Variants in ENTPD1 observed in about 807,000 individuals in gnomAD.
The protein encoded by ENTPD1 is ATP diphosphohydrolase.
Under a neutral mutation model 57.0 loss-of-function variants are expected in ENTPD1, and 33 were observed. The observed-to-expected ratio is 0.58, with a 90% CI of 0.44 to 0.77. The LOEUF (loss-of-function observed/expected upper bound fraction) is 0.77. Ranked by LOEUF, ENTPD1 falls within the 30% of genes least tolerant of loss-of-function variation. The probability of loss-of-function intolerance (pLI) is 0.00; values close to 1 mark genes in which losing one functional copy is unlikely to be tolerated. For synonymous variants in ENTPD1, 202 were observed against 218.8 expected (o/e 0.92, Z 0.68); for missense variants, 501 against 603.4 (o/e 0.83, Z 1.78).
chr10:95,749,458 C>A (rs898112823), intron 1 of ENTPD1, among the ~76,000 whole-genome samples: 18 of 152,308 alleles, frequency 1.2e-4, no homozygotes, highest in Middle Eastern at 3.4e-3. Flanking sequence ...TTTGACACAA[C>A]CCTAGTAATT....
chr10:95,725,139 G>T (rs151031631), intron 1 of ENTPD1, among the ~76,000 whole-genome samples: 1 of 151,084 alleles, frequency 6.6e-6, no homozygotes, highest in African/African-American at 2.4e-5. Flanking sequence ...TATACTTTTG[G>T]GCCCATCTAG....
In ENTPD1 at chr10:95,873,272, C is replaced by T. The variant is rs1329572593; in HGVS notation, c.*6889C>T. ...CTGACTACTGTCATTCACAGGCATT[C>T]TGTTCCACAGCAGGCCAGCTAACGT... On this transcript the variant is annotated 3_prime_UTR_variant, in exon 10 of 10. Coordinates refer to ENST00000371205, the MANE Select transcript of ENTPD1 (RefSeq NM_001776.6). 2 of 985,272 alleles carry T rather than the reference C, an allele frequency of 2.0e-6. No homozygotes were observed. The highest frequency in any genetic ancestry group is 1.1e-4 in the East Asian group (1 of 8,832). The allele number at this position is 985,272 out of a possible 1,614,324, so 61.0% of individuals were successfully genotyped here. A position where few individuals can be genotyped will look rare whatever the true frequency, so the allele number is the denominator to read the frequency against.
Position 95,873,645 on chromosome 10 carries a change from G to A in ENTPD1, c.*7262G>A. The A allele has an allele frequency of 1.0e-6, 1 of 985,432 alleles. No individual in the cohort carries two copies. Among genetic ancestry groups the A allele is most frequent in the Non-Finnish European group, 1.2e-6 (1 of 829,932 alleles). 61.0% of individuals were successfully genotyped at this position (985,432 alleles called of 1,614,324 possible). A position where few individuals can be genotyped will look rare whatever the true frequency, so the allele number is the denominator to read the frequency against. Reference sequence around the variant, plus strand: ...TTCCTTCTGTCACTCTACTAGGGATGAAACAGCTAATCATGTTCAATAGTT... The same window carrying A: ...TTCCTTCTGTCACTCTACTAGGGATAAAACAGCTAATCATGTTCAATAGTT... On this transcript the variant is annotated 3_prime_UTR_variant, in exon 10 of 10. Transcript: ENST00000371205.
chr10:95,810,375 G>A (rs191400939), intron 1 of ENTPD1, among the ~76,000 whole-genome samples: 74 of 147,894 alleles, frequency 5.0e-4, no homozygotes, highest in Middle Eastern at 3.8e-3. Flanking sequence ...CAGACAGGGC[G>A]GCCGGGCAGA....
At chr10:95,763,142 C>G (rs992086921) in intron 1 of ENTPD1, among the ~76,000 whole-genome samples, 5 of 151,870 alleles carry the variant, frequency 3.3e-5, no homozygotes, top group Admixed American at 2.0e-4. Context: ...CCAGGCTGGT[C>G]TCAAACTCCT....
chr10:95,855,538 T>G (rs1442394829), intron 7 of ENTPD1, among the ~76,000 whole-genome samples: 1 of 152,278 alleles, frequency 6.6e-6, no homozygotes, highest in Middle Eastern at 3.4e-3. Context: ...GCCTTGATGG[T>G]CTTTACAATT....
At chr10:95,759,837 G>T (rs757846169) in intron 1 of ENTPD1, among the ~76,000 whole-genome samples, 2 of 152,202 alleles carry the variant, frequency 1.3e-5, no homozygotes, top group Non-Finnish European at 2.9e-5. Flanking sequence ...AAAATTCCAT[G>T]ATATTGGTTT....
chr10:95,745,946 G>A (rs1025774955), intron 1 of ENTPD1, among the ~76,000 whole-genome samples: 3 of 152,170 alleles, frequency 2.0e-5, no homozygotes, highest in African/African-American at 7.2e-5. Flanking sequence ...AGGAAGACAT[G>A]GGTGATCTCA....
At chr10:95,714,258 C>T (rs929236347) in intron 1 of ENTPD1, among the ~76,000 whole-genome samples, 2 of 152,094 alleles carry the variant, frequency 1.3e-5, no homozygotes, top group Non-Finnish European at 2.9e-5. Context: ...CTGCAGTGAA[C>T]TATATGATTG....
chr10:95,769,160 G>GTCTT (rs1475678503), intron 1 of ENTPD1, among the ~76,000 whole-genome samples: 2 of 152,236 alleles, frequency 1.3e-5, no homozygotes, highest in Non-Finnish European at 2.9e-5. Context: ...AGTGACTAGG[G>GTCTT]CTGTCAGAGT....
intron 1 of ENTPD1, among the ~76,000 whole-genome samples, chr10:95,801,427 T>G (rs1170316754): frequency 6.6e-6 from 1 of 152,192 alleles, no homozygotes; most frequent in Non-Finnish European, 1.5e-5. Context: ...GTCTAGCCAG[T>G]TATCCCAGCA....
rs2098486553 is a variant in ENTPD1, at chr10:95,877,193, C to G, written c.*10810C>G. On this transcript the variant is annotated 3_prime_UTR_variant, in exon 10 of 10. Transcript: ENST00000371205. ...GAAGGTGGAAAATGCAAATTATATA[C>G]TTTAAAATGTAATTTTTGCTTTTCA... Among the ~76,000 whole-genome samples the G allele has an allele frequency of 6.6e-6, 1 of 152,192 alleles. No homozygotes were observed. The highest frequency in any genetic ancestry group is 1.5e-5 in the Non-Finnish European group (1 of 68,030).
At chr10:95,712,577 C>T (rs1446503120) in intron 1 of ENTPD1, among the ~76,000 whole-genome samples, 4 of 152,118 alleles carry the variant, frequency 2.6e-5, no homozygotes, top group African/African-American at 9.7e-5. Context: ...GGGAGTTTGT[C>T]TTAAGTTCCA....
intron 1 of ENTPD1, among the ~76,000 whole-genome samples, chr10:95,718,698 A>C (rs1254640551): frequency 6.6e-6 from 1 of 152,158 alleles, no homozygotes; most frequent in Non-Finnish European, 1.5e-5. Context: ...CCAGCTGAGC[A>C]CTAGTTCCTG....
In ENTPD1 at chr10:95,873,451, G is replaced by A. The variant is rs2098482607; in HGVS notation, c.*7068G>A. On this transcript the variant is annotated 3_prime_UTR_variant, in exon 10 of 10. Coordinates refer to ENST00000371205, the MANE Select transcript of ENTPD1 (RefSeq NM_001776.6). ...GTGAAGGCCTGGAGTGCTTAAGAGG[G>A]ATTTCTTCCAGCTCTCTTGCCCTGG... 1 of 985,366 alleles carries A rather than the reference G, an allele frequency of 1.0e-6. No homozygotes were observed. The highest frequency in any genetic ancestry group is 6.2e-5 in the Admixed American group (1 of 16,258). 61.0% of individuals were successfully genotyped at this position (985,366 alleles called of 1,614,324 possible).
At chr10:95,739,318 C>A (rs2097997818) in intron 1 of ENTPD1, among the ~76,000 whole-genome samples, 1 of 152,198 alleles carries the variant, frequency 6.6e-6, no homozygotes, top group Non-Finnish European at 1.5e-5. Flanking sequence ...GCATGTGATG[C>A]TGTTTGATAG....
At chr10:95,747,790 T>C (rs2098007640) in intron 1 of ENTPD1, among the ~76,000 whole-genome samples, 1 of 152,230 alleles carries the variant, frequency 6.6e-6, no homozygotes, top group South Asian at 2.1e-4. Context: ...ATGGTGAATA[T>C]ACTTTTCTTG....
chr10:95,711,460 C>A (rs962152074), upstream of ENTPD1, among the ~76,000 whole-genome samples: 1 of 152,172 alleles, frequency 6.6e-6, no homozygotes, highest in African/African-American at 2.4e-5. Context: ...TGAACCTAAG[C>A]ATAAAAGTGG....
chr10:95,726,874 CT>C (rs1266276603), intron 1 of ENTPD1, among the ~76,000 whole-genome samples: 1 of 152,106 alleles, frequency 6.6e-6, no homozygotes, highest in South Asian at 2.1e-4. Context: ...AGAAGTGATG[CT>C]TTTTCCCAAA....
Sources: allele counts gnomAD v4.1 joint callset (sites outside exome capture counted in the v4.1 genomes callset), GRCh38; gene constraint gnomAD v4.1.1; transcripts MANE v1.5; gene names NCBI Gene and HGNC (gene_info 2026-07-23, HGNC 2026-07-21).